Variants in KDM2A observed in about 807,000 individuals in gnomAD.
The protein encoded by KDM2A is lysine demethylase 2A, also known as lysine-specific demethylase 2A.
KDM2A carries 3 observed loss-of-function variants against 137.3 expected under a neutral mutation model. The observed-to-expected ratio is 0.02, with a 90% CI of 0.01 to 0.06. The LOEUF (loss-of-function observed/expected upper bound fraction) is 0.06. Among genes scored for constraint, KDM2A ranks in the 10% least tolerant of loss-of-function variants. The probability of loss-of-function intolerance (pLI) is 1.00; values close to 1 mark genes in which losing one functional copy is unlikely to be tolerated. For missense variants in KDM2A, 738 were observed against 1,510.6 expected (o/e 0.49, Z 8.48); for synonymous variants, 512 against 541.5 (o/e 0.95, Z 0.76).
chr11:67,174,180 C>T (rs1032858638), intron 2 of KDM2A, among the ~76,000 whole-genome samples: 3 of 152,172 alleles, frequency 2.0e-5, no homozygotes, highest in African/African-American at 7.2e-5. Flanking sequence ...ATTGCTTGAA[C>T]CTGGGAGACA....
chr11:67,230,003 C>T (rs1358403046), intron 11 of KDM2A, among the ~76,000 whole-genome samples: 3 of 151,842 alleles, frequency 2.0e-5, no homozygotes, highest in African/African-American at 4.8e-5. Flanking sequence ...GGTGAAACCC[C>T]GTCTCTACTA....
chr11:67,196,452 A>C, intron 5 of KDM2A: 1 of 456,136 alleles, frequency 2.2e-6, no homozygotes, highest in Non-Finnish European at 4.4e-6. Context: ...ATGATAATTC[A>C]TAGTAGCTAA....
intron 5 of KDM2A, among the ~76,000 whole-genome samples, chr11:67,182,416 C>T (rs905321144): frequency 1.3e-5 from 2 of 151,980 alleles, no homozygotes. Context: ...GAAGAAAATT[C>T]CTGATGTTAG....
chr11:67,252,912 A>G, intron 18 of KDM2A, 55 bp downstream of exon 18: 4 of 1,548,920 alleles, frequency 2.6e-6, no homozygotes, highest in Non-Finnish European at 3.5e-6. Context: ...AGCGGGCAAG[A>G]AAAGTTGCAT....
chr11:67,210,464 C>G (rs1267271661), intron 6 of KDM2A, among the ~76,000 whole-genome samples: 1 of 152,110 alleles, frequency 6.6e-6, no homozygotes. Context: ...CTCACTATTC[C>G]ACATGAAGCC....
At chr11:67,134,075 C>T (rs773979665) in intron 2 of KDM2A, among the ~76,000 whole-genome samples, 13 of 152,154 alleles carry the variant, frequency 8.5e-5, no homozygotes, top group Admixed American at 2.6e-4. Flanking sequence ...AAGGCAAAGA[C>T]AAATGAAATA....
chr11:67,223,388 CTTAT>C (rs10542275), intron 10 of KDM2A, among the ~76,000 whole-genome samples: 17,524 of 149,180 alleles, frequency 0.12, 2,869 homozygotes, highest in African/African-American at 0.37. Context: ...TTTTTTCTTT[CTTAT>C]TTATTTATTT....
At chr11:67,240,445 G>C (rs948505377) in intron 12 of KDM2A, 2 of 1,324,160 alleles carry the variant, frequency 1.5e-6, no homozygotes, top group Admixed American at 2.4e-5. Flanking sequence ...CAGTGAAGAG[G>C]CAGGAGAAAC....
At position 67,119,346 on chromosome 11, in the gene KDM2A, AGCGGCG is replaced by A. The variant is rs905596763; in HGVS notation, c.-772_-767del. 3.6e-5 allele frequency: 6 copies of A among 166,554 alleles called. No individual in the cohort carries two copies. The highest frequency in any genetic ancestry group is 1.6e-4 in the South Asian group (1 of 6,318). The allele number at this position is 166,554 out of a possible 1,614,324, so 10.3% of individuals were successfully genotyped here. ...GAGGGAAACAACACCCCTCCCCGGC[AGCGGCG>A]GCGGCGGCGGCGGCTCTCGGAGCAC... On this transcript the variant is annotated 5_prime_UTR_variant, in exon 1 of 21. Coordinates refer to ENST00000529006, the MANE Select transcript of KDM2A (RefSeq NM_012308.3).
At chr11:67,121,581 C>T (rs1855598656) in intron 2 of KDM2A, among the ~76,000 whole-genome samples, 1 of 151,990 alleles carries the variant, frequency 6.6e-6, no homozygotes, top group Non-Finnish European at 1.5e-5. Flanking sequence ...TATATGTAGC[C>T]TTTAGCTTTT....
At chr11:67,173,408 C>T (rs1383140330) in intron 2 of KDM2A, among the ~76,000 whole-genome samples, 2 of 152,194 alleles carry the variant, frequency 1.3e-5, no homozygotes, top group Non-Finnish European at 2.9e-5. Context: ...ATGCGTGAGC[C>T]ACCGTTCTTG....
At chr11:67,128,193 G>T (rs1437906594) in intron 2 of KDM2A, among the ~76,000 whole-genome samples, 1 of 151,582 alleles carries the variant, frequency 6.6e-6, no homozygotes, top group Non-Finnish European at 1.5e-5. Flanking sequence ...TCTAGAGACA[G>T]GTTTTCACTG....
intron 5 of KDM2A, among the ~76,000 whole-genome samples, chr11:67,184,891 G>A (rs1857170131): frequency 6.6e-6 from 1 of 152,148 alleles, no homozygotes; most frequent in African/African-American, 2.4e-5. Context: ...GGGGAAGGGA[G>A]AGAATTGGAT....
At chr11:67,180,819 AT>A (rs920661672) in intron 3 of KDM2A, among the ~76,000 whole-genome samples, 321 of 141,720 alleles carry the variant, frequency 2.3e-3, no homozygotes, top group Admixed American at 3.1e-3. Flanking sequence ...CACCCGGCTA[AT>A]TTTTTTTTTT....
At chr11:67,179,072 C>A (rs1857030392) in intron 2 of KDM2A, among the ~76,000 whole-genome samples, 1 of 152,140 alleles carries the variant, frequency 6.6e-6, no homozygotes, top group Non-Finnish European at 1.5e-5. Flanking sequence ...TATTGTTTAT[C>A]TCTTTGATGA....
rs759852237 is a variant in KDM2A at position 67,257,422 on chromosome 11, G to GTC, written c.*2371_*2372dup. The GTC allele has an allele frequency of 2.0e-5, 3 of 152,554 alleles. No homozygotes were observed. Among genetic ancestry groups the GTC allele is most frequent in the Non-Finnish European group, 4.4e-5 (3 of 68,042 alleles). 9.5% of individuals were successfully genotyped at this position (152,554 alleles called of 1,614,324 possible). On this transcript the variant is annotated 3_prime_UTR_variant, in exon 21 of 21. Transcript: ENST00000529006. ...GTTGGTCCATGTGGAGGAAAGAAGT[G>GTC]TCTCTGTTGGGGGACAGAGGAACCT...
At chr11:67,251,886 G>A (rs564283549) in intron 17 of KDM2A, among the ~76,000 whole-genome samples, 5 of 152,234 alleles carry the variant, frequency 3.3e-5, no homozygotes, top group Non-Finnish European at 7.4e-5. Flanking sequence ...CTCTGTCTAG[G>A]GCTAATAGGA....
At chr11:67,124,786 T>G (rs1355429214) in intron 2 of KDM2A, among the ~76,000 whole-genome samples, 2 of 152,006 alleles carry the variant, frequency 1.3e-5, no homozygotes, top group East Asian at 3.8e-4. Flanking sequence ...ATGTTTTCTT[T>G]TGTTTAATGT....
intron 5 of KDM2A, among the ~76,000 whole-genome samples, chr11:67,203,154 C>T (rs1336223891): frequency 1.3e-5 from 2 of 152,164 alleles, no homozygotes; most frequent in Non-Finnish European, 2.9e-5. Context: ...GATTATGACT[C>T]ACTGAAGGCT....
Sources: allele counts gnomAD v4.1 joint callset (sites outside exome capture counted in the v4.1 genomes callset), GRCh38; gene constraint gnomAD v4.1.1; transcripts MANE v1.5; gene names NCBI Gene and HGNC (gene_info 2026-07-23, HGNC 2026-07-21).